ITPR1: variants seen among roughly 807,000 people sequenced by gnomAD.
The protein encoded by ITPR1 is inositol 1,4,5-trisphosphate receptor type 1.
Under a neutral mutation model 318.4 loss-of-function variants are expected in ITPR1, and 96 were observed. The observed-to-expected ratio is 0.30, with a 90% CI of 0.26 to 0.36. The LOEUF (loss-of-function observed/expected upper bound fraction) is 0.36. ITPR1 is among the 10% of genes least tolerant of loss of function. The pLI is 1.00. For synonymous variants in ITPR1, 1,312 were observed against 1,289.9 expected (o/e 1.02, Z -0.37); for missense variants, 2,440 against 3,460.2 (o/e 0.71, Z 7.40).
chr3:4,719,422 C>A (rs150544378), intron 40 of ITPR1, among the ~76,000 whole-genome samples: 1 of 152,206 alleles, frequency 6.6e-6, no homozygotes, highest in Non-Finnish European at 1.5e-5. Flanking sequence ...GTTTCTCCCC[C>A]ACCAAGTCGT....
chr3:4,645,799 C>CTG (rs756367650), intron 10 of ITPR1, 71 bp downstream of exon 10: 2 of 1,413,590 alleles, frequency 1.4e-6, no homozygotes, highest in Non-Finnish European at 2.0e-6. Context: ...CTCTCTCTCT[C>CTG]TATCCTACAA....
chr3:4,534,937 C>T (rs568727470), intron 4 of ITPR1, among the ~76,000 whole-genome samples: 12 of 152,202 alleles, frequency 7.9e-5, no homozygotes, highest in African/African-American at 2.2e-4. Flanking sequence ...TCGGTCTTGT[C>T]GACAAAGAAT....
At chr3:4,566,518 A>C (rs1455282776) in intron 4 of ITPR1, among the ~76,000 whole-genome samples, 1 of 151,952 alleles carries the variant, frequency 6.6e-6, no homozygotes, top group Non-Finnish European at 1.5e-5. Context: ...GGCCAGATAG[A>C]ATTAGAGTTG....
At chr3:4,623,522 T>G (rs543218014) in intron 4 of ITPR1, among the ~76,000 whole-genome samples, 7 of 152,346 alleles carry the variant, frequency 4.6e-5, no homozygotes, top group Admixed American at 2.0e-4. Flanking sequence ...CGCACACATA[T>G]GTACACACAT....
chr3:4,817,880 A>T (rs1364215588), intron 59 of ITPR1, among the ~76,000 whole-genome samples: 1 of 152,214 alleles, frequency 6.6e-6, no homozygotes, highest in African/African-American at 2.4e-5. Flanking sequence ...GTGGGATTCA[A>T]ACCCAAGTCT....
At chr3:4,513,867 C>G (rs534099298) in intron 2 of ITPR1, among the ~76,000 whole-genome samples, 1 of 152,210 alleles carries the variant, frequency 6.6e-6, no homozygotes, top group Non-Finnish European at 1.5e-5. Context: ...AGGCAGATCA[C>G]TTGAGGCCAG....
intron 4 of ITPR1, among the ~76,000 whole-genome samples, chr3:4,528,584 A>T (rs1166100856): frequency 6.6e-6 from 1 of 152,148 alleles, no homozygotes. Context: ...AAATACCCTC[A>T]TGCAAAGGGG....
intron 2 of ITPR1, among the ~76,000 whole-genome samples, chr3:4,511,360 C>G (rs950715995): frequency 2.6e-5 from 4 of 152,088 alleles, no homozygotes; most frequent in African/African-American, 7.2e-5. Context: ...CAAAGGGAAG[C>G]TCAGCCAGAG....
intron 42 of ITPR1, among the ~76,000 whole-genome samples, chr3:4,730,346 CAA>C (rs571957308): frequency 1.8e-5 from 2 of 110,074 alleles, no homozygotes; most frequent in African/African-American, 6.9e-5. Context: ...TAATTAAAAG[CAA>C]AAAAAAAAGT....
chr3:4,613,857 C>T (rs2125104762), intron 4 of ITPR1, among the ~76,000 whole-genome samples: 1 of 152,166 alleles, frequency 6.6e-6, no homozygotes, highest in Non-Finnish European at 1.5e-5. Context: ...AAATGTATAG[C>T]TGGATGGAAT....
chr3:4,703,372 G>A (rs2094695366), intron 36 of ITPR1, among the ~76,000 whole-genome samples: 1 of 152,146 alleles, frequency 6.6e-6, no homozygotes. Context: ...CAGAAATGGT[G>A]CACTGCTCCC....
chr3:4,644,586 T>G (rs2093413250), intron 8 of ITPR1, among the ~76,000 whole-genome samples: 2 of 152,220 alleles, frequency 1.3e-5, no homozygotes. Context: ...GGGTGCCTCT[T>G]TTTAACTGTT....
intron 4 of ITPR1, among the ~76,000 whole-genome samples, chr3:4,526,273 A>G (rs1283422297): frequency 6.6e-6 from 1 of 152,226 alleles, no homozygotes; most frequent in Non-Finnish European, 1.5e-5. Flanking sequence ...GCAGGAAAAA[A>G]TGAGGTGAAA....
chr3:4,588,502 C>T (rs1306830515), intron 4 of ITPR1, among the ~76,000 whole-genome samples: 1 of 152,120 alleles, frequency 6.6e-6, no homozygotes, highest in South Asian at 2.1e-4. Context: ...TTCTGGATCT[C>T]CCTGACTCTC....
At chr3:4,506,965 A>G (rs888030999) in intron 2 of ITPR1, among the ~76,000 whole-genome samples, 4 of 152,236 alleles carry the variant, frequency 2.6e-5, no homozygotes, top group Admixed American at 6.5e-5. Context: ...TGTATTTACA[A>G]TGTTAGAAAT....
intron 54 of ITPR1, among the ~76,000 whole-genome samples, chr3:4,801,061 G>C (rs547552871): frequency 6.6e-6 from 1 of 152,136 alleles, no homozygotes; most frequent in African/African-American, 2.4e-5. Flanking sequence ...AGAGGGAAGA[G>C]GAGAAGCAGA....
intron 44 of ITPR1, among the ~76,000 whole-genome samples, chr3:4,736,500 C>T (rs753194829): frequency 2.6e-5 from 4 of 152,342 alleles, no homozygotes; most frequent in East Asian, 3.9e-4. Context: ...TGGCCCTTTT[C>T]TTTCGCCTTC....
intron 4 of ITPR1, among the ~76,000 whole-genome samples, chr3:4,549,755 G>A (rs1388011233): frequency 2.6e-5 from 4 of 152,118 alleles, no homozygotes; most frequent in Non-Finnish European, 5.9e-5. Context: ...CTATAACTTG[G>A]AGTGCTGAGA....
intron 2 of ITPR1, among the ~76,000 whole-genome samples, chr3:4,497,330 A>AATT (rs1553601239): frequency 6.6e-6 from 1 of 151,960 alleles, no homozygotes; most frequent in African/African-American, 2.4e-5. Flanking sequence ...GACCTGTTCA[A>AATT]GTTGTGTGCG....
Sources: allele counts gnomAD v4.1 joint callset (sites outside exome capture counted in the v4.1 genomes callset), GRCh38; gene constraint gnomAD v4.1.1; transcripts MANE v1.5; gene names NCBI Gene and HGNC (gene_info 2026-07-23, HGNC 2026-07-21).